ZNF385D: variants seen among roughly 807,000 people sequenced by gnomAD.
ZNF385D encodes the protein zinc finger protein 659.
Under a neutral mutation model 35.8 loss-of-function variants are expected in ZNF385D, and 15 were observed. The observed-to-expected ratio is 0.42, with a 90% CI of 0.28 to 0.64. The LOEUF is 0.64. Among genes scored for constraint, ZNF385D ranks in the 30% least tolerant of loss-of-function variants. The pLI, the probability that ZNF385D is intolerant of heterozygous loss-of-function variation, is 0.23. For synonymous variants in ZNF385D, 212 were observed against 186.8 expected (o/e 1.13, Z -1.10); for missense variants, 474 against 494.6 (o/e 0.96, Z 0.39).
At chr3:21,651,260 C>G (rs1355491730) in intron 2 of ZNF385D, among the ~76,000 whole-genome samples, 1 of 124,832 alleles carries the variant, frequency 8.0e-6, no homozygotes, top group Admixed American at 1.0e-4. Flanking sequence ...CGCACTCCAG[C>G]CTGGGCGACA....
intron 2 of ZNF385D, among the ~76,000 whole-genome samples, chr3:22,203,904 A>G (rs903827700): frequency 2.0e-5 from 3 of 152,128 alleles, no homozygotes; most frequent in African/African-American, 7.2e-5. Flanking sequence ...CTGGGGCCCA[A>G]GGAAACTTGT....
At chr3:21,900,594 T>G (rs1445429480) in intron 3 of ZNF385D, among the ~76,000 whole-genome samples, 1 of 152,090 alleles carries the variant, frequency 6.6e-6, no homozygotes, top group Non-Finnish European at 1.5e-5. Flanking sequence ...AATAGATACA[T>G]GGGGCCAGAA....
chr3:22,225,906 A>G (rs1016249686), intron 2 of ZNF385D, among the ~76,000 whole-genome samples: 2 of 152,178 alleles, frequency 1.3e-5, no homozygotes, highest in African/African-American at 4.8e-5. Flanking sequence ...GTTTAGGTCA[A>G]ATTGTTGTGC....
intron 3 of ZNF385D, among the ~76,000 whole-genome samples, chr3:21,894,424 C>A (rs1029611578): frequency 6.6e-6 from 1 of 152,068 alleles, no homozygotes; most frequent in African/African-American, 2.4e-5. Flanking sequence ...CCAAAAACAT[C>A]CCTGAGTTTT....
chr3:21,572,503 A>G (rs2063365394), intron 2 of ZNF385D, among the ~76,000 whole-genome samples: 1 of 152,186 alleles, frequency 6.6e-6, no homozygotes, highest in East Asian at 1.9e-4. Context: ...AGTGAAGGAC[A>G]TAGGAAGAAC....
At chr3:21,972,257 C>T (rs989564465) in intron 3 of ZNF385D, among the ~76,000 whole-genome samples, 2 of 151,770 alleles carry the variant, frequency 1.3e-5, no homozygotes, top group South Asian at 2.1e-4. Flanking sequence ...TCTTCTTTGA[C>T]CACAATGGAA....
intron 3 of ZNF385D, among the ~76,000 whole-genome samples, chr3:22,042,432 TAAAAA>T (rs150131463): frequency 2.7e-5 from 4 of 148,350 alleles, no homozygotes; most frequent in African/African-American, 9.9e-5. Context: ...GTGATAGGGC[TAAAAA>T]AAAAAGTTTT....
At chr3:22,181,148 A>T (rs1576456191) in intron 2 of ZNF385D, among the ~76,000 whole-genome samples, 1 of 151,994 alleles carries the variant, frequency 6.6e-6, no homozygotes. Flanking sequence ...TTACTCTTAG[A>T]TCAATGTTTC....
intron 2 of ZNF385D, among the ~76,000 whole-genome samples, chr3:21,641,565 A>G (rs546152224): frequency 6.6e-4 from 100 of 150,644 alleles, no homozygotes; most frequent in African/African-American, 1.9e-3. Context: ...CTATTAACAC[A>G]TATCACCAAC....
At chr3:21,970,140 A>T (rs915665283) in intron 3 of ZNF385D, among the ~76,000 whole-genome samples, 19 of 152,186 alleles carry the variant, frequency 1.2e-4, no homozygotes, top group African/African-American at 4.3e-4. Context: ...AAGAATAAAT[A>T]TATAATTCTT....
In ZNF385D at chr3:21,719,726, G is replaced by A. The variant is rs182473599; in HGVS notation, c.22+31169C>T. Reference sequence around the variant, plus strand: ...CCAGTCCGATCCTTAGAAGCAGCCCGACTGGAACTCTCTCTCTCAGAGTAT... The same window carrying A: ...CCAGTCCGATCCTTAGAAGCAGCCCAACTGGAACTCTCTCTCTCAGAGTAT... On this transcript the variant is annotated intron_variant, in intron 1 of 7. Coordinates refer to ENST00000281523, the MANE Select transcript of ZNF385D (RefSeq NM_024697.3). 6.6e-5 allele frequency among the ~76,000 whole-genome samples: 10 copies of A among 152,066 alleles called. No individual in the cohort carries two copies. The East Asian group carries it at 1.4e-3, about 21-fold the overall frequency.
intron 2 of ZNF385D, among the ~76,000 whole-genome samples, chr3:21,624,513 A>T (rs1199724789): frequency 1.3e-5 from 2 of 152,068 alleles, no homozygotes; most frequent in East Asian, 3.9e-4. Context: ...AAATGACAGA[A>T]ATCTGAAAAA....
intron 2 of ZNF385D, among the ~76,000 whole-genome samples, chr3:22,349,331 A>G (rs1166496035): frequency 1.3e-5 from 2 of 152,216 alleles, no homozygotes; most frequent in African/African-American, 4.8e-5. Context: ...TCACTGTCAC[A>G]ATGTGAATAG....
intron 2 of ZNF385D, among the ~76,000 whole-genome samples, chr3:22,279,525 C>CATATGTACATATATATGTATATACATAT (rs2125376847): frequency 7.1e-6 from 1 of 141,756 alleles, no homozygotes; most frequent in Admixed American, 7.1e-5. Flanking sequence ...TATACATATA[C>CATATGTACATATATATGTATATACATAT]ATATGTACAT....
At chr3:21,577,005 T>C (rs879493407) in intron 2 of ZNF385D, among the ~76,000 whole-genome samples, 13 of 152,212 alleles carry the variant, frequency 8.5e-5, no homozygotes, top group Non-Finnish European at 1.5e-4. Context: ...GTTCTTTGTG[T>C]TGGGAACATT....
At chr3:21,577,950 C>T (rs1333043357) in intron 2 of ZNF385D, among the ~76,000 whole-genome samples, 1 of 151,530 alleles carries the variant, frequency 6.6e-6, no homozygotes, top group Non-Finnish European at 1.5e-5. Context: ...GCTGGGACTA[C>T]AGGTGCTCAC....
At chr3:21,758,269 C>A (rs192406378) in intron 3 of ZNF385D, among the ~76,000 whole-genome samples, 10 of 152,258 alleles carry the variant, frequency 6.6e-5, no homozygotes, top group African/African-American at 2.4e-4. Context: ...AATTCCTTGG[C>A]GGTTTCAACA....
At chr3:21,757,000 A>C (rs1403963044) in intron 3 of ZNF385D, among the ~76,000 whole-genome samples, 2 of 152,176 alleles carry the variant, frequency 1.3e-5, no homozygotes, top group Admixed American at 6.5e-5. Flanking sequence ...GTCATTATTG[A>C]AAATTAATTG....
chr3:22,310,876 A>G (rs1703501591), intron 2 of ZNF385D, among the ~76,000 whole-genome samples: 1 of 151,870 alleles, frequency 6.6e-6, no homozygotes, highest in Non-Finnish European at 1.5e-5. Flanking sequence ...ACAATTTTAT[A>G]TTAAAGATTT....
Sources: gnomAD v4.1 joint callset for allele counts (sites outside exome capture counted in the v4.1 genomes callset) on GRCh38, gnomAD v4.1.1 for gene constraint, MANE v1.5 for transcripts, NCBI Gene and HGNC (gene_info 2026-07-23, HGNC 2026-07-21) for gene names.